Variants in AGBL4 observed in about 807,000 individuals in gnomAD.
AGBL4 encodes the protein cytosolic carboxypeptidase 6.
AGBL4 carries 58 observed loss-of-function variants against 66.4 expected under a neutral mutation model. That is an observed-to-expected ratio of 0.87 (90% CI 0.71 to 1.09). The LOEUF is 1.09. Among genes scored for constraint, AGBL4 ranks in the 50% least tolerant of loss-of-function variants. AGBL4 has a pLI of 0.00. For missense variants in AGBL4, 579 were observed against 631.0 expected, an observed-to-expected ratio of 0.92 and a Z score of 0.88; for synonymous variants, 234 against 222.9, an observed-to-expected ratio of 1.05 and a Z score of -0.44.
intron 4 of AGBL4, among the ~76,000 whole-genome samples, chr1:49,130,742 T>A (rs1645874602): frequency 6.6e-6 from 1 of 152,090 alleles, no homozygotes; most frequent in Admixed American, 6.6e-5. Flanking sequence ...TGAAGTCAGG[T>A]AGCGTGATGC....
chr1:49,147,999 C>T (rs1646253321), intron 4 of AGBL4, among the ~76,000 whole-genome samples: 1 of 152,150 alleles, frequency 6.6e-6, no homozygotes. Context: ...CAGCGAGATA[C>T]AATGCAAAGA....
chr1:49,392,848 G>A (rs989255781), intron 3 of AGBL4, among the ~76,000 whole-genome samples: 1 of 152,164 alleles, frequency 6.6e-6, no homozygotes, highest in East Asian at 1.9e-4. Context: ...TTCTTCAGAA[G>A]TTTCCATGTT....
At chr1:49,875,063 A>G (rs1045138713) in intron 1 of AGBL4, among the ~76,000 whole-genome samples, 1 of 147,730 alleles carries the variant, frequency 6.8e-6, no homozygotes, top group African/African-American at 2.5e-5. Context: ...CCTATGAGTG[A>G]GAATATGTGG....
At chr1:49,158,460 A>C (rs182171737) in intron 4 of AGBL4, among the ~76,000 whole-genome samples, 12 of 152,224 alleles carry the variant, frequency 7.9e-5, no homozygotes, top group Non-Finnish European at 1.0e-4. Flanking sequence ...GTTCTTTTGC[A>C]TTTGCTGAGG....
intron 8 of AGBL4, among the ~76,000 whole-genome samples, chr1:48,635,703 T>C (rs554321510): frequency 1.2e-4 from 18 of 152,324 alleles, no homozygotes; most frequent in African/African-American, 3.4e-4. Context: ...CATCATGGAC[T>C]GCACTCTCCC....
intron 4 of AGBL4, among the ~76,000 whole-genome samples, chr1:49,190,096 G>C (rs937770240): frequency 2.0e-5 from 3 of 152,168 alleles, no homozygotes; most frequent in Non-Finnish European, 4.4e-5. Context: ...AGAGAACTAC[G>C]TAAGGCAAGG....
intron 5 of AGBL4, among the ~76,000 whole-genome samples, chr1:48,966,842 A>G (rs189673944): frequency 1.3e-5 from 2 of 152,092 alleles, no homozygotes; most frequent in Non-Finnish European, 2.9e-5. Context: ...ATCCTGCTAT[A>G]CACCAGGCAG....
chr1:49,748,624 A>G (rs1651192540), intron 2 of AGBL4, among the ~76,000 whole-genome samples: 1 of 151,350 alleles, frequency 6.6e-6, no homozygotes, highest in African/African-American at 2.4e-5. Flanking sequence ...TACACTCCCA[A>G]TAGTGTAAAA....
chr1:49,568,950 T>TTATGATAGC (rs1644271240), intron 3 of AGBL4, among the ~76,000 whole-genome samples: 1 of 152,202 alleles, frequency 6.6e-6, no homozygotes, highest in African/African-American at 2.4e-5. Context: ...ACAACACTGT[T>TTATGATAGC]TATGATAGCT....
intron 3 of AGBL4, among the ~76,000 whole-genome samples, chr1:49,685,237 G>A (rs1431044548): frequency 6.6e-6 from 1 of 152,088 alleles, no homozygotes; most frequent in African/African-American, 2.4e-5. Context: ...ATTCTTTTAT[G>A]GCTGCACAGT....
At chr1:49,931,836 T>G (rs1653393884) in intron 1 of AGBL4, among the ~76,000 whole-genome samples, 1 of 152,202 alleles carries the variant, frequency 6.6e-6, no homozygotes. Context: ...AGGACAGATT[T>G]GGAAGACTAA....
chr1:49,906,496 A>G (rs1299705066), intron 1 of AGBL4, among the ~76,000 whole-genome samples: 4 of 152,058 alleles, frequency 2.6e-5, no homozygotes, highest in African/African-American at 9.7e-5. Flanking sequence ...TTAATAAAAA[A>G]ATCACCCAAT....
At chr1:49,547,237 C>A (rs114820607) in intron 3 of AGBL4, among the ~76,000 whole-genome samples, 5 of 152,116 alleles carry the variant, frequency 3.3e-5, no homozygotes, top group Non-Finnish European at 5.9e-5. Context: ...CCAATTATAC[C>A]AGCACTATTT....
At chr1:49,362,536 T>C (rs1644162224) in intron 3 of AGBL4, among the ~76,000 whole-genome samples, 1 of 148,102 alleles carries the variant, frequency 6.8e-6, no homozygotes, top group South Asian at 2.2e-4. Flanking sequence ...TTTCTAGAAC[T>C]CAGCAAACTT....
chr1:49,141,977 G>T (rs1437589568), intron 4 of AGBL4, among the ~76,000 whole-genome samples: 2 of 152,082 alleles, frequency 1.3e-5, no homozygotes, highest in South Asian at 4.1e-4. Context: ...GCTAGGAACT[G>T]AGCCACACAG....
At chr1:49,736,509 A>G (rs529505376) in intron 2 of AGBL4, among the ~76,000 whole-genome samples, 2 of 152,272 alleles carry the variant, frequency 1.3e-5, no homozygotes, top group African/African-American at 4.8e-5. Context: ...TTGAAAAACT[A>G]AAAGGGAAAT....
intron 5 of AGBL4, among the ~76,000 whole-genome samples, chr1:48,994,890 T>C (rs979805327): frequency 2.0e-5 from 3 of 152,200 alleles, no homozygotes; most frequent in Admixed American, 2.0e-4. Context: ...ATTCATGTAA[T>C]CCATATTCTG....
intron 3 of AGBL4, among the ~76,000 whole-genome samples, chr1:49,694,356 G>GAT (rs1646944767): frequency 6.6e-6 from 1 of 152,060 alleles, no homozygotes; most frequent in African/African-American, 2.4e-5. Flanking sequence ...GTGAGCTAGA[G>GAT]ATATATATTG....
chr1:49,539,514 C>A (rs1009148671), intron 3 of AGBL4, among the ~76,000 whole-genome samples: 1 of 152,146 alleles, frequency 6.6e-6, no homozygotes, highest in Non-Finnish European at 1.5e-5. Context: ...TTGGCTGTAT[C>A]CTCCAGTTTA....
Sources: gnomAD v4.1 joint callset for allele counts (sites outside exome capture counted in the v4.1 genomes callset) on GRCh38, gnomAD v4.1.1 for gene constraint, MANE v1.5 for transcripts, NCBI Gene and HGNC (gene_info 2026-07-23, HGNC 2026-07-21) for gene names.